The following MACROD2 variants were observed in gnomAD, a reference collection of about 807,000 sequenced individuals.
The protein encoded by MACROD2 is mono-ADP ribosylhydrolase 2, also known as ADP-ribose glycohydrolase MACROD2.
In MACROD2, 36 loss-of-function variants were observed where a neutral mutation model predicts 70.4. The ratio of observed to expected loss-of-function variants is 0.51; its 90% CI spans 0.39 to 0.68. The LOEUF (loss-of-function observed/expected upper bound fraction) is 0.68, where lower values mean the gene tolerates loss of function less well. MACROD2 is among the 30% of genes least tolerant of loss of function. The pLI is 0.00. For synonymous variants in MACROD2, 172 were observed against 178.8 expected, an observed-to-expected ratio of 0.96 and a Z score of 0.30; for missense variants, 496 against 538.4, an observed-to-expected ratio of 0.92 and a Z score of 0.78.
intron 5 of MACROD2, among the ~76,000 whole-genome samples, chr20:14,985,685 CT>C (rs57486090): frequency 0.027 from 3,134 of 115,264 alleles, 42 homozygotes; most frequent in African/African-American, 0.032. Flanking sequence ...TTCTCTTATT[CT>C]TTTTTTTTTT....
In MACROD2 at chr20:15,002,767, G is replaced by A. The variant is rs549707507; in HGVS notation, c.419-227173G>A. Among the ~76,000 whole-genome samples, 18 of 152,228 alleles carry A rather than the reference G, an allele frequency of 1.2e-4. 1 individual carries two copies. Among genetic ancestry groups the A allele is most frequent in the Admixed American group, 5.2e-4 (8 of 15,288 alleles). On this transcript the variant is annotated intron_variant, in intron 5 of 17. Transcript: ENST00000684519. ...AGACAATTGGGAGTAGTGTTAAACC[G>A]GAAACTTCTGAATCAGACACGCTCC...
At chr20:14,636,349 T>G (rs1336436044) in intron 4 of MACROD2, 1 of 152,206 alleles carries the variant, frequency 6.6e-6, no homozygotes, top group Non-Finnish European at 1.5e-5. Flanking sequence ...TTCCACTCTC[T>G]GACCCCCGTC....
At chr20:14,588,339 A>G (rs1981525228) in intron 4 of MACROD2, among the ~76,000 whole-genome samples, 2 of 152,224 alleles carry the variant, frequency 1.3e-5, no homozygotes, top group Admixed American at 6.5e-5. Context: ...GTTTTTATTT[A>G]CATTTATCTT....
chr20:15,484,063 T>TTTTATTTTA (rs1555827642), intron 7 of MACROD2, among the ~76,000 whole-genome samples: 3 of 150,080 alleles, frequency 2.0e-5, no homozygotes, highest in African/African-American at 7.3e-5. Flanking sequence ...TTTTATTTTA[T>TTTTATTTTA]TTTATTTTAT....
rs192885717 is a variant in MACROD2 at position 14,863,623 on chromosome 20, A to T, written c.418+178664A>T. ...TGAGTTTCCAAATTGTAAAGAAGAA[A>T]AAAGACATATCTGGCTTAATATATA... On this transcript the variant is annotated intron_variant, in intron 5 of 17. Transcript: ENST00000684519. Among the ~76,000 whole-genome samples the T allele has an allele frequency of 1.4e-4, 21 of 152,244 alleles. No homozygotes were observed. In the East Asian group the frequency reaches 3.9e-3, roughly 28 times the overall value.
At chr20:14,858,648 G>A (rs1177158498) in intron 5 of MACROD2, among the ~76,000 whole-genome samples, 2 of 152,114 alleles carry the variant, frequency 1.3e-5, no homozygotes, top group African/African-American at 4.8e-5. Flanking sequence ...ACGTTTTAGT[G>A]CACTGATGCA....
chr20:14,183,285 G>A (rs375488857), intron 3 of MACROD2, among the ~76,000 whole-genome samples: 1 of 151,534 alleles, frequency 6.6e-6, no homozygotes, highest in African/African-American at 2.4e-5. Flanking sequence ...GCTGTATTTG[G>A]TTTTCTGTTC....
chr20:14,632,506 AG>A (rs1984570685), intron 4 of MACROD2, among the ~76,000 whole-genome samples: 1 of 152,164 alleles, frequency 6.6e-6, no homozygotes, highest in Admixed American at 6.5e-5. Context: ...CATAATGATA[AG>A]GGTTCTTTTC....
intron 8 of MACROD2, among the ~76,000 whole-genome samples, chr20:15,788,908 C>G (rs1158625612): frequency 2.0e-5 from 3 of 152,048 alleles, no homozygotes; most frequent in Non-Finnish European, 2.9e-5. Flanking sequence ...TCTTCATTAC[C>G]CTTTATGAAA....
intron 5 of MACROD2, among the ~76,000 whole-genome samples, chr20:15,145,405 A>G (rs886375812): frequency 1.3e-5 from 2 of 152,164 alleles, no homozygotes; most frequent in Non-Finnish European, 2.9e-5. Context: ...TACGACACCA[A>G]TAATACAAAT....
At chr20:15,104,521 A>G (rs1051316246) in intron 5 of MACROD2, among the ~76,000 whole-genome samples, 9 of 152,200 alleles carry the variant, frequency 5.9e-5, no homozygotes, top group African/African-American at 1.9e-4. Flanking sequence ...GAAGATTGCC[A>G]TCAAGGGCAT....
At chr20:14,870,321 T>C (rs1210998035) in intron 5 of MACROD2, among the ~76,000 whole-genome samples, 1 of 152,172 alleles carries the variant, frequency 6.6e-6, no homozygotes, top group Non-Finnish European at 1.5e-5. Context: ...GGTGTATATA[T>C]GACACATTAT....
At chr20:15,069,271 G>A (rs1014969307) in intron 5 of MACROD2, among the ~76,000 whole-genome samples, 1 of 152,166 alleles carries the variant, frequency 6.6e-6, no homozygotes, top group Non-Finnish European at 1.5e-5. Flanking sequence ...ATGACTTAAA[G>A]TTGGAACTTA....
intron 6 of MACROD2, among the ~76,000 whole-genome samples, chr20:15,284,754 G>A (rs540923281): frequency 6.6e-6 from 1 of 152,330 alleles, no homozygotes; most frequent in South Asian, 2.1e-4. Flanking sequence ...TAAGTGGAAA[G>A]TGAGTTAATA....
chr20:15,789,606 C>T (rs575334565), intron 8 of MACROD2, among the ~76,000 whole-genome samples: 1 of 151,232 alleles, frequency 6.6e-6, no homozygotes, highest in Admixed American at 6.6e-5. Context: ...AATAGAAAAG[C>T]TTAAAAAATG....
At chr20:14,998,417 T>C (rs1291232316) in intron 5 of MACROD2, among the ~76,000 whole-genome samples, 1 of 152,022 alleles carries the variant, frequency 6.6e-6, no homozygotes, top group Non-Finnish European at 1.5e-5. Flanking sequence ...AATTTAACAA[T>C]GAAATGGACA....
chr20:14,446,380 A>C (rs574223531), intron 3 of MACROD2, among the ~76,000 whole-genome samples: 1 of 152,220 alleles, frequency 6.6e-6, no homozygotes, highest in South Asian at 2.1e-4. Flanking sequence ...AAGAGTTGAA[A>C]CCAAGATTTG....
intron 5 of MACROD2, among the ~76,000 whole-genome samples, chr20:14,828,217 G>A (rs2072924051): frequency 6.6e-6 from 1 of 151,956 alleles, no homozygotes; most frequent in African/African-American, 2.4e-5. Flanking sequence ...TAAGTATATA[G>A]CAGAATTTGT....
intron 5 of MACROD2, among the ~76,000 whole-genome samples, chr20:14,756,966 C>T (rs2071949420): frequency 6.6e-6 from 1 of 152,076 alleles, no homozygotes; most frequent in Non-Finnish European, 1.5e-5. Flanking sequence ...GACATGTTTG[C>T]TTCCCTTTCC....
Sources: gnomAD v4.1 joint callset for allele counts (sites outside exome capture counted in the v4.1 genomes callset) on GRCh38, gnomAD v4.1.1 for gene constraint, MANE v1.5 for transcripts, NCBI Gene and HGNC (gene_info 2026-07-23, HGNC 2026-07-21) for gene names.